The following FAM135B variants were observed in gnomAD, a reference collection of about 807,000 sequenced individuals.
FAM135B encodes the protein family with sequence similarity 135 member B, also known as protein FAM135B.
In FAM135B, 43 loss-of-function variants were observed where a neutral mutation model predicts 127.7. That is an observed-to-expected ratio of 0.34 (90% CI 0.26 to 0.43). The LOEUF (loss-of-function observed/expected upper bound fraction) is 0.43. Among genes scored for constraint, FAM135B ranks in the 20% least tolerant of loss-of-function variants. The pLI is 1.00. For missense variants in FAM135B, 1,558 were observed against 1,725.6 expected, an observed-to-expected ratio of 0.90 and a Z score of 1.72; for synonymous variants, 670 against 665.1, an observed-to-expected ratio of 1.01 and a Z score of -0.11.
Position 138,242,165 on chromosome 8 carries a change from T to TTGTGTG in FAM135B, c.669+771_669+776dup, listed in dbSNP as rs55837421. On this transcript the variant is annotated intron_variant, in intron 7 of 19. Coordinates refer to ENST00000395297, the MANE Select transcript of FAM135B (RefSeq NM_015912.4). The surrounding 1 kb of genome is among the most constrained non-coding windows in gnomAD (Gnocchi z 9.6). Reference sequence around the variant, plus strand: ...AGTCAATTACTTATGATAAATCTCTTTGTGTGTGTGTGTGTGTGTGTGTGT... The same window carrying TTGTGTG: ...AGTCAATTACTTATGATAAATCTCTTTGTGTGTGTGTGTGTGTGTGTGTGTGTGTGT... Among the ~76,000 whole-genome samples the TTGTGTG allele has an allele frequency of 0.026, 3,361 of 130,012 alleles. 63 individuals carry two copies. Among genetic ancestry groups the TTGTGTG allele is most frequent in the African/African-American group, 0.038 (1,281 of 34,072 alleles). The allele number at this position is 130,012 out of a possible 152,430, so 85.3% of individuals were successfully genotyped here.
chr8:138,292,641 G>C (rs1337231683), intron 3 of FAM135B, among the ~76,000 whole-genome samples: 1 of 151,938 alleles, frequency 6.6e-6, no homozygotes, highest in African/African-American at 2.4e-5. Context: ...TTCATATTGA[G>C]TTCATATAAA....
chr8:138,335,018 A>T (rs1828461604), intron 2 of FAM135B, among the ~76,000 whole-genome samples: 3 of 152,206 alleles, frequency 2.0e-5, no homozygotes, highest in African/African-American at 4.8e-5. Context: ...CATTTTCTAA[A>T]ACTTTGGTAA....
rs770299737 is a variant in FAM135B, at chr8:138,243,025, G to C, written c.586C>G (p.Pro196Ala). 4.3e-6 allele frequency: 7 copies of C among 1,613,392 alleles called. No homozygotes were observed. Among genetic ancestry groups the C allele is most frequent in the African/African-American group, 2.7e-5 (2 of 74,864 alleles). The change falls in exon 7 of 20, where the codon CCA (proline) becomes GCA (alanine). Residue 196 changes from proline to alanine, a missense_variant. Around this residue, in one of 5 missense-constraint regions of FAM135B, gnomAD observed 127 missense variants for 109.7 expected, o/e 1.16. Coordinates refer to ENST00000395297, the MANE Select transcript of FAM135B (RefSeq NM_015912.4). The surrounding 1 kb of genome is among the most constrained non-coding windows in gnomAD (Gnocchi z 7.5). Reference sequence around the variant, plus strand: ...ATAGACTGTTCTTGTCCGGTGTCTGGGCCACCTTTACCAAGCCAGGAGCCT... The same window carrying C: ...ATAGACTGTTCTTGTCCGGTGTCTGCGCCACCTTTACCAAGCCAGGAGCCT... ...GRGSWLGKGG[P>A]DTGQEQSIIS...
chr8:138,133,188 T>C (rs576341790), intron 19 of FAM135B, among the ~76,000 whole-genome samples: 3 of 152,258 alleles, frequency 2.0e-5, no homozygotes, highest in Non-Finnish European at 2.9e-5. Context: ...CACAGCTCAA[T>C]AGAGAATTGA....
At chr8:138,423,688 A>AT (rs1234011647) in intron 1 of FAM135B, among the ~76,000 whole-genome samples, 5 of 152,260 alleles carry the variant, frequency 3.3e-5, no homozygotes, top group African/African-American at 7.2e-5. Flanking sequence ...TCGGGCACAC[A>AT]TTTTCATTGA....
chr8:138,166,674 A>G (rs1308235119), intron 12 of FAM135B, among the ~76,000 whole-genome samples: 1 of 152,200 alleles, frequency 6.6e-6, no homozygotes, highest in East Asian at 1.9e-4. Flanking sequence ...AAACACTTCT[A>G]ATATTAAACC....
intron 1 of FAM135B, among the ~76,000 whole-genome samples, chr8:138,489,040 A>G (rs978363801): frequency 1.3e-5 from 2 of 152,076 alleles, no homozygotes; most frequent in Non-Finnish European, 2.9e-5. Context: ...CTCTACCTCT[A>G]TACTTCTCCT....
intron 1 of FAM135B, among the ~76,000 whole-genome samples, chr8:138,491,119 G>T (rs1815177054): frequency 7.2e-6 from 1 of 138,632 alleles, no homozygotes; most frequent in Non-Finnish European, 1.5e-5. Context: ...CCCAGCCTAG[G>T]CAACAAGAGC....
intron 9 of FAM135B, among the ~76,000 whole-genome samples, chr8:138,179,377 T>C (rs1270001868): frequency 6.6e-6 from 1 of 152,196 alleles, no homozygotes; most frequent in African/African-American, 2.4e-5. Context: ...GGTAGAGTAC[T>C]AGGCATTTGA....
At chr8:138,350,313 G>T (rs1829691711) in intron 2 of FAM135B, among the ~76,000 whole-genome samples, 1 of 152,136 alleles carries the variant, frequency 6.6e-6, no homozygotes, top group Non-Finnish European at 1.5e-5. Context: ...TTATTCAAAA[G>T]GAGGCCAATA....
At position 138,241,118 on chromosome 8, in the gene FAM135B, C is replaced by T. The variant is rs1163305863; in HGVS notation, c.669+1824G>A. On this transcript the variant is annotated intron_variant, in intron 7 of 19. Coordinates refer to ENST00000395297, the MANE Select transcript of FAM135B (RefSeq NM_015912.4). The surrounding 1 kb of genome is among the most constrained non-coding windows in gnomAD (Gnocchi z 4.8). The stretch of plus-strand genomic sequence containing the variant: ...AAGCTGAACTGTGATGTAGTCACAG[C>T]AAAGGCTTCGGCCGACCACGGGGAG... Among the ~76,000 whole-genome samples, 2 of 152,180 alleles carry T rather than the reference C, an allele frequency of 1.3e-5. No individual in the cohort carries two copies. The highest frequency in any genetic ancestry group is 6.5e-5 in the Admixed American group (1 of 15,284).
At chr8:138,220,910 G>A (rs542444671) in intron 7 of FAM135B, among the ~76,000 whole-genome samples, 17 of 152,308 alleles carry the variant, frequency 1.1e-4, no homozygotes, top group South Asian at 6.2e-4. Flanking sequence ...ACTCACCCAC[G>A]TGAAATAACT....
intron 1 of FAM135B, among the ~76,000 whole-genome samples, chr8:138,491,941 G>C (rs1051974609): frequency 6.6e-6 from 1 of 152,178 alleles, no homozygotes; most frequent in African/African-American, 2.4e-5. Context: ...CTGTGGAGGA[G>C]ACCAGGTCAC....
intron 7 of FAM135B, 78 bp from the exon 8 acceptor site, chr8:138,197,747 A>C: frequency 6.8e-7 from 1 of 1,463,488 alleles, no homozygotes; most frequent in Non-Finnish European, 9.4e-7. Context: ...TGCTCCATCC[A>C]CCCGCACCAA....
rs938918731 is a variant in FAM135B, at chr8:138,413,705, T to G, written c.-19-45703A>C. Among the ~76,000 whole-genome samples the G allele has an allele frequency of 5.3e-5, 8 of 152,062 alleles. No homozygotes were observed. The South Asian group carries it at 1.2e-3, about 24-fold the overall frequency. On this transcript the variant is annotated intron_variant, in intron 1 of 19. Transcript: ENST00000395297. ...CATAAATCTGAAAGCTACTCAATTC[T>G]GTGTTGAAAGTTAGGGTGACTGGAA... is the stretch of plus-strand genomic sequence containing the variant.
chr8:138,217,659 C>T (rs538683000), intron 7 of FAM135B, among the ~76,000 whole-genome samples: 1 of 152,164 alleles, frequency 6.6e-6, no homozygotes, highest in South Asian at 2.1e-4. Context: ...TCTCAATCTC[C>T]TGACCTTGTG....
chr8:138,342,965 A>G (rs1829157314), intron 2 of FAM135B, among the ~76,000 whole-genome samples: 1 of 152,274 alleles, frequency 6.6e-6, no homozygotes, highest in South Asian at 2.1e-4. Flanking sequence ...AGAACTGAGT[A>G]TAATGAGGTC....
intron 2 of FAM135B, among the ~76,000 whole-genome samples, chr8:138,341,927 C>T (rs1188732122): frequency 6.6e-6 from 1 of 152,196 alleles, no homozygotes; most frequent in African/African-American, 2.4e-5. Flanking sequence ...TTATACTACA[C>T]ACTACTCTAT....
At chr8:138,346,535 GA>G (rs1385464352) in intron 2 of FAM135B, among the ~76,000 whole-genome samples, 1 of 152,220 alleles carries the variant, frequency 6.6e-6, no homozygotes, top group Non-Finnish European at 1.5e-5. Flanking sequence ...GATGGAGCTG[GA>G]AGCTGTTATC....
Sources: gnomAD v4.1 joint callset for allele counts (sites outside exome capture counted in the v4.1 genomes callset) on GRCh38, gnomAD v4.1.1 for gene constraint, gnomAD v4.1.1 regional missense constraint, Gnocchi (gnomAD v3.1) non-coding constraint, MANE v1.5 for transcripts, NCBI Gene and HGNC (gene_info 2026-07-23, HGNC 2026-07-21) for gene names.